The following NFKBIB variants were observed in gnomAD, a reference collection of about 807,000 sequenced individuals.
NFKBIB encodes NF-kappa-B inhibitor beta.
In NFKBIB, 16 loss-of-function variants were observed where a neutral mutation model predicts 32.1. That is an observed-to-expected ratio of 0.50 (90% CI 0.34 to 0.76). The LOEUF (loss-of-function observed/expected upper bound fraction) is 0.76. Ranked by LOEUF, NFKBIB falls within the 30% of genes least tolerant of loss-of-function variation. NFKBIB has a pLI of 0.01. For synonymous variants in NFKBIB, 222 were observed against 219.5 expected (o/e 1.01, Z -0.10); for missense variants, 437 against 514.9 (o/e 0.85, Z 1.46).
rs958785510 is a variant in NFKBIB, at chr19:38,906,329, A to G, written c.619+794A>G. Among the ~76,000 whole-genome samples, 69 of 150,658 alleles carry G rather than the reference A, an allele frequency of 4.6e-4. 1 individual carries two copies. The highest frequency in any genetic ancestry group is 3.4e-3 in the Middle Eastern group (1 of 292). On this transcript the variant is annotated intron_variant, in intron 3 of 5. Coordinates refer to ENST00000313582, the MANE Select transcript of NFKBIB (RefSeq NM_002503.5). ...CAGCTTATTTTTGTATTTTTAGTAG[A>G]GACGGGGTTTTACCATGTTGACCAG...
chr19:38,903,907 A>C (rs910367204), intron 1 of NFKBIB, among the ~76,000 whole-genome samples: 1 of 151,832 alleles, frequency 6.6e-6, no homozygotes, highest in Non-Finnish European at 1.5e-5. Flanking sequence ...TGTCTGTACT[A>C]AAAACTGCAA....
chr19:38,903,307 G>A (rs1974022711), intron 1 of NFKBIB, among the ~76,000 whole-genome samples: 3 of 151,824 alleles, frequency 2.0e-5, no homozygotes, highest in South Asian at 4.1e-4. Flanking sequence ...TATTTGAGAC[G>A]GAGTCTCACT....
rs377225970 is a variant in NFKBIB at position 38,905,082 on chromosome 19, G to T, written c.247G>T (p.Gly83Cys). Residue 83 changes from glycine (G) to cysteine (C), a missense_variant, in exon 2 of 6, where the codon GGC becomes TGC. By Grantham distance (159) the Gly-to-Cys change is radical. Transcript: ENST00000313582. The surrounding 1 kb of genome is among the most constrained non-coding windows in gnomAD (Gnocchi z 5.5). ...GGATTTTCTTCTAGGCTTCTCGGCC[G>T]GCACTGAGTACATGGACCTGCAGAA... is the stretch of plus-strand genomic sequence containing the variant. ...FLDFLLGFSA[G>C]TEYMDLQNDL... 4 of 1,614,034 alleles carry T rather than the reference G, an allele frequency of 2.5e-6. No homozygotes were observed. Among genetic ancestry groups the T allele is most frequent in the Admixed American group, 1.7e-5 (1 of 59,996 alleles).
intron 1 of NFKBIB, among the ~76,000 whole-genome samples, chr19:38,904,021 G>A (rs1230373728): frequency 1.3e-5 from 2 of 152,016 alleles, no homozygotes; most frequent in Admixed American, 6.6e-5. Context: ...AGTGAGCCAC[G>A]ATCGTGTCAC....
chr19:38,900,250 C>CGTT (rs1973903086), intron 1 of NFKBIB, 39 bp downstream of exon 1: 1 of 1,539,924 alleles, frequency 6.5e-7, no homozygotes, highest in Non-Finnish European at 8.7e-7. Flanking sequence ...GCCCTAGGAC[C>CGTT]CGGCGTCACA....
chr19:38,903,825 C>T (rs1173839554), intron 1 of NFKBIB, among the ~76,000 whole-genome samples: 1 of 151,830 alleles, frequency 6.6e-6, no homozygotes, highest in Non-Finnish European at 1.5e-5. Context: ...AATCCCAGCA[C>T]TTTGGGAGGC....
chr19:38,908,119 C>T (rs531805453), intron 5 of NFKBIB: 12 of 1,008,868 alleles, frequency 1.2e-5, no homozygotes, highest in African/African-American at 8.6e-5. Context: ...GGGCAAGGCG[C>T]GGTGCTGGAT....
chr19:38,905,444 T>C lies in NFKBIB; in HGVS notation c.528T>C (p.Pro176=). The change falls in exon 3 of 6, where the codon CCT becomes CCC. Residue 176 remains proline (P), a synonymous_variant. Transcript: ENST00000313582. The surrounding 1 kb of genome is among the most constrained non-coding windows in gnomAD (Gnocchi z 5.5). ...GTACTCCCGACACCAACCATACCCC[T>C]GTCGCCTTGTACCCCGATTCCGACT... ...PDRTPDTNHT[P]VALYPDSDLE... is the part of the protein sequence containing the mutation. 2 of 1,613,850 alleles carry C rather than the reference T, an allele frequency of 1.2e-6. No individual in the cohort carries two copies. Among genetic ancestry groups the C allele is most frequent in the Non-Finnish European group, 1.7e-6 (2 of 1,179,950 alleles).
rs1337922900 is a variant in NFKBIB, at chr19:38,907,327, G to A, written c.708+18G>A. On this transcript the variant is annotated intron_variant, in intron 4 of 5. Transcript: ENST00000313582. ...ACAAACCGGTGAGCCCCAACCTCGGGGAAGATGCCGTCGGCGGGAGGGGGC... is the reference window on the plus strand; with the variant it reads ...ACAAACCGGTGAGCCCCAACCTCGGAGAAGATGCCGTCGGCGGGAGGGGGC... 5 of 1,608,856 alleles carry A rather than the reference G, an allele frequency of 3.1e-6. No individual in the cohort carries two copies. The highest frequency in any genetic ancestry group is 4.3e-6 in the Non-Finnish European group (5 of 1,176,030).
upstream of NFKBIB, chr19:38,899,721 C>A: frequency 1.3e-6 from 1 of 780,150 alleles, no homozygotes; most frequent in Non-Finnish European, 2.1e-6. Context: ...TCGTACAACA[C>A]CCAGAGCGCC....
In NFKBIB at chr19:38,905,532, G is replaced by C; in HGVS notation, c.616G>C (p.Glu206Gln). ...GCTGCAGCTGGAGGCTGAAAACTAC[G>C]AGGGTGAGGGTCGTCACCAGGGAAG... Reference protein sequence around the residue: ...WKLQLEAENYEGHTPLHVAVI... With the variant: ...WKLQLEAENYQGHTPLHVAVI... The change falls in exon 3 of 6, where the codon GAG becomes CAG. Residue 206 changes from glutamate to glutamine, a missense_variant. By Grantham distance (29) the Glu-to-Gln change is conservative. Coordinates refer to ENST00000313582, the MANE Select transcript of NFKBIB (RefSeq NM_002503.5). This position sits in a 1 kb window ranked among gnomAD's most constrained non-coding sequence, Gnocchi z 5.5. 1 of 1,600,520 alleles carries C rather than the reference G, an allele frequency of 6.2e-7. No individual in the cohort carries two copies. The highest frequency in any genetic ancestry group is 8.5e-7 in the Non-Finnish European group (1 of 1,172,948).
intron 1 of NFKBIB, 104 bp from the exon 2 acceptor site, chr19:38,904,911 C>A: frequency 9.7e-7 from 1 of 1,026,962 alleles, no homozygotes; most frequent in Non-Finnish European, 1.5e-6. Flanking sequence ...GGTTCCAGAA[C>A]TGTGGTCACA....
At chr19:38,907,745 C>T (rs1189817391) in intron 5 of NFKBIB, 86 bp downstream of exon 5, 4 of 1,466,362 alleles carry the variant, frequency 2.7e-6, no homozygotes, top group Admixed American at 2.5e-5. Context: ...AATTAGGCAC[C>T]GACCTTGGGC....
chr19:38,905,678 C>T lies in NFKBIB; in HGVS notation c.619+143C>T, dbSNP rs1974097950. 1.5e-5 allele frequency: 10 copies of T among 652,842 alleles called. No homozygotes were observed. Among genetic ancestry groups the T allele is most frequent in the Non-Finnish European group, 2.6e-5 (10 of 386,696 alleles). 40.4% of individuals were successfully genotyped at this position (652,842 alleles called of 1,614,324 possible). The stretch of plus-strand genomic sequence containing the variant: ...GAGCCCACACATCGGGACCAGGGAC[C>T]TCCACTCAGGGCCCAGATGATTGAG... On this transcript the variant is annotated intron_variant, in intron 3 of 5. Transcript: ENST00000313582. This position sits in a 1 kb window ranked among gnomAD's most constrained non-coding sequence, Gnocchi z 5.5.
chr19:38,902,066 A>G (rs889998487), intron 1 of NFKBIB, among the ~76,000 whole-genome samples: 8 of 110,308 alleles, frequency 7.3e-5, no homozygotes, highest in African/African-American at 2.5e-4. Flanking sequence ...CCTTCTGTAT[A>G]GTGTTTTTCA....
At chr19:38,907,149 C>A in intron 3 of NFKBIB, 72 bp from the exon 4 acceptor site, 1 of 1,408,712 alleles carries the variant, frequency 7.1e-7, no homozygotes, top group South Asian at 1.2e-5. Context: ...ATGACCCTCC[C>A]CCAGGATCAA....
intron 1 of NFKBIB, among the ~76,000 whole-genome samples, chr19:38,901,005 AG>A (rs201823900): frequency 1.1e-5 from 1 of 91,724 alleles, no homozygotes; most frequent in Non-Finnish European, 2.4e-5. Context: ...AGTCAGAGGT[AG>A]TTAAGTACTT....
At chr19:38,903,055 C>T (rs1304563951) in intron 1 of NFKBIB, among the ~76,000 whole-genome samples, 2 of 151,472 alleles carry the variant, frequency 1.3e-5, no homozygotes, top group African/African-American at 2.4e-5. Flanking sequence ...GGCAGCAGAA[C>T]GAGACTCCAT....
chr19:38,904,702 C>A (rs1600145306), intron 1 of NFKBIB, among the ~76,000 whole-genome samples: 1 of 152,120 alleles, frequency 6.6e-6, no homozygotes, highest in East Asian at 1.9e-4. Flanking sequence ...TGCACGATGT[C>A]CAGTGTCTTC....
Sources: gnomAD v4.1 joint callset for allele counts (sites outside exome capture counted in the v4.1 genomes callset) on GRCh38, gnomAD v4.1.1 for gene constraint, Gnocchi (gnomAD v3.1) non-coding constraint, MANE v1.5 for transcripts, NCBI Gene and HGNC (gene_info 2026-07-23, HGNC 2026-07-21) for gene names.